The following RAD54B variants were observed in gnomAD, a reference collection of about 807,000 sequenced individuals.
The protein encoded by RAD54B is RAD54 homolog B.
In RAD54B, 78 loss-of-function variants were observed where a neutral mutation model predicts 95.8. The ratio of observed to expected loss-of-function variants is 0.81; its 90% confidence interval spans 0.68 to 0.98. The LOEUF is 0.98. Among genes scored for constraint, RAD54B ranks in the 50% least tolerant of loss-of-function variants. The probability of loss-of-function intolerance (pLI) is 0.00; values close to 1 mark genes in which losing one functional copy is unlikely to be tolerated. For synonymous variants in RAD54B, 328 were observed against 354.9 expected, an observed-to-expected ratio of 0.92 and a Z score of 0.85; for missense variants, 957 against 1,056.6, an observed-to-expected ratio of 0.91 and a Z score of 1.31.
At chr8:94,465,101 A>G (rs1042523843) in intron 2 of RAD54B, among the ~76,000 whole-genome samples, 1 of 133,932 alleles carries the variant, frequency 7.5e-6, no homozygotes, top group African/African-American at 2.8e-5. Context: ...AGGGACAAAT[A>G]TCCAAACTCT....
chr8:94,399,510 G>GAAGATC lies in RAD54B; in HGVS notation c.1276_1281dup (p.Asp426_Leu427dup). ...AAACGATGCCCCTCGTCACAGATTA[G>GAAGATC]AAGATCAAATTTTATATTCTTAATT... On this transcript the variant is annotated inframe_insertion, in exon 8 of 15. Coordinates refer to ENST00000336148, the MANE Select transcript of RAD54B (RefSeq NM_012415.3). The GAAGATC allele has an allele frequency of 6.2e-7, 1 of 1,613,490 alleles. No homozygotes were observed. Among genetic ancestry groups the GAAGATC allele is most frequent in the African/African-American group, 1.3e-5 (1 of 75,004 alleles).
intron 3 of RAD54B, chr8:94,432,462 C>G (rs1357140039): frequency 1.3e-6 from 2 of 1,550,480 alleles, no homozygotes; most frequent in African/African-American, 2.7e-5. Flanking sequence ...CGACAAGGAT[C>G]TTTCCATAAC....
At chr8:94,432,606 A>G (rs1812135957) in intron 3 of RAD54B, 1 of 1,549,862 alleles carries the variant, frequency 6.5e-7, no homozygotes, top group Non-Finnish European at 8.7e-7. Flanking sequence ...GTGATCCAAC[A>G]TTACCTGTAG....
At chr8:94,420,062 T>C (rs1811767207) in intron 3 of RAD54B, among the ~76,000 whole-genome samples, 1 of 152,138 alleles carries the variant, frequency 6.6e-6, no homozygotes, top group East Asian at 1.9e-4. Flanking sequence ...CCATAGGCTA[T>C]ACCACACAGC....
At chr8:94,429,809 A>G (rs1044989697) in intron 3 of RAD54B, 12 of 985,224 alleles carry the variant, frequency 1.2e-5, no homozygotes, top group Non-Finnish European at 1.4e-5. Context: ...TAATCCAACC[A>G]ATGAAATTAA....
At chr8:94,425,774 C>A (rs1239674213) in intron 3 of RAD54B, among the ~76,000 whole-genome samples, 1 of 149,480 alleles carries the variant, frequency 6.7e-6, no homozygotes, top group African/African-American at 2.5e-5. Flanking sequence ...CATATTTCTT[C>A]AATACCTCAT....
intron 3 of RAD54B, among the ~76,000 whole-genome samples, chr8:94,435,274 G>A (rs1451962713): frequency 6.6e-6 from 1 of 151,944 alleles, no homozygotes; most frequent in Non-Finnish European, 1.5e-5. Flanking sequence ...TCATGTCCTG[G>A]ATTCCCACTG....
At chr8:94,381,732 C>A (rs1215477549) in intron 11 of RAD54B, among the ~76,000 whole-genome samples, 1 of 151,854 alleles carries the variant, frequency 6.6e-6, no homozygotes, top group Non-Finnish European at 1.5e-5. Context: ...AAAGTGATGA[C>A]CAATAGGAGA....
intron 3 of RAD54B, among the ~76,000 whole-genome samples, chr8:94,440,739 C>G (rs1255240377): frequency 6.6e-6 from 1 of 152,110 alleles, no homozygotes; most frequent in Non-Finnish European, 1.5e-5. Context: ...TGGAGAGGAG[C>G]CGGGTATCCT....
rs930057103 is a variant in RAD54B at position 94,413,905 on chromosome 8, G to A, written c.305-2590C>T. ...GGCTGGAATGCAGTGGTGTGATCTCGGCTGACTGCAACCTCTGCCTCCTGG... is the reference window on the plus strand; with the variant it reads ...GGCTGGAATGCAGTGGTGTGATCTCAGCTGACTGCAACCTCTGCCTCCTGG... On this transcript the variant is annotated intron_variant, in intron 3 of 14. Transcript: ENST00000336148. 9.2e-4 allele frequency among the ~76,000 whole-genome samples: 137 copies of A among 148,728 alleles called. 1 individual carries two copies. Among genetic ancestry groups the A allele is most frequent in the African/African-American group, 2.9e-3 (117 of 40,208 alleles).
In RAD54B at chr8:94,461,160, CTTTTTTTTTTTT is replaced by C. The variant is rs57563259; in HGVS notation, c.136-2736_136-2725del. Reference sequence around the variant, plus strand: ...TTGTCATGTTATTATAAATACTCATCTTTTTTTTTTTTTTTTTTTTTTTTTTTTTGAGACGGA... The same window carrying C: ...TTGTCATGTTATTATAAATACTCATCTTTTTTTTTTTTTTTTTGAGACGGA... On this transcript the variant is annotated intron_variant, in intron 2 of 14. Transcript: ENST00000336148. Among the ~76,000 whole-genome samples, 23 of 59,982 alleles carry C rather than the reference CTTTTTTTTTTTT, an allele frequency of 3.8e-4. No homozygotes were observed. The South Asian group carries it at 0.015, about 40-fold the overall frequency. The allele number at this position is 59,982 out of a possible 152,430, so 39.4% of individuals were successfully genotyped here.
intron 9 of RAD54B, 70 bp downstream of exon 9, chr8:94,393,673 A>G (rs1586132059): frequency 2.2e-6 from 3 of 1,390,986 alleles, no homozygotes; most frequent in East Asian, 2.3e-5. Context: ...AATCAAAATA[A>G]TATGAAGTTA....
intron 8 of RAD54B, among the ~76,000 whole-genome samples, 195 bp from the exon 9 acceptor site, chr8:94,394,077 T>C (rs1811087280): frequency 6.6e-6 from 1 of 152,194 alleles, no homozygotes; most frequent in Non-Finnish European, 1.5e-5. Flanking sequence ...AACTTTTAAC[T>C]CTGGTTTTAA....
chr8:94,387,565 C>A (rs1162797239), intron 10 of RAD54B: 1 of 154,626 alleles, frequency 6.5e-6, no homozygotes. Context: ...CTCCTTCCCT[C>A]CCTGTTAGTA....
intron 10 of RAD54B, among the ~76,000 whole-genome samples, 182 bp downstream of exon 10, chr8:94,391,427 C>T (rs1471338936): frequency 1.3e-5 from 2 of 149,324 alleles, no homozygotes. Context: ...GGAGTGTGGA[C>T]ATGCTCTGAA....
intron 11 of RAD54B, among the ~76,000 whole-genome samples, chr8:94,383,816 T>A (rs1810800869): frequency 6.6e-6 from 1 of 152,020 alleles, no homozygotes. Flanking sequence ...AAATCAAAAC[T>A]ACAATGATAT....
At chr8:94,470,331 G>A (rs1337560172) in intron 1 of RAD54B, among the ~76,000 whole-genome samples, 1 of 152,038 alleles carries the variant, frequency 6.6e-6, no homozygotes, top group Admixed American at 6.5e-5. Context: ...AGGTGCAGTG[G>A]CTCACACCTG....
Position 94,391,705 on chromosome 8 carries a change from G to A in RAD54B, c.1713C>T (p.Cys571=). ...KLLNSQVVRF[C]LQGLLENSPH... ...GACTATTTTCCAACAACCCTTGAAG[G>A]CAGAACCTGACAACCTGAGAATTTA... The change falls in exon 10 of 15, where the codon TGC becomes TGT. Residue 571 remains cysteine (C), a synonymous_variant. Transcript: ENST00000336148. 6.2e-7 allele frequency: 1 copy of A among 1,613,994 alleles called. No homozygotes were observed. The highest frequency in any genetic ancestry group is 8.5e-7 in the Non-Finnish European group (1 of 1,179,994).
chr8:94,452,748 C>T (rs867536654), intron 3 of RAD54B, among the ~76,000 whole-genome samples: 2 of 152,126 alleles, frequency 1.3e-5, no homozygotes, highest in South Asian at 2.1e-4. Flanking sequence ...CCACCCATCT[C>T]GGCCTCCCAA....
Sources: gnomAD v4.1 joint callset for allele counts (sites outside exome capture counted in the v4.1 genomes callset) on GRCh38, gnomAD v4.1.1 for gene constraint, MANE v1.5 for transcripts, NCBI Gene and HGNC (gene_info 2026-07-23, HGNC 2026-07-21) for gene names.